The following CACNA2D3 variants were observed in gnomAD, a reference collection of about 807,000 sequenced individuals.
CACNA2D3 encodes the protein voltage-dependent calcium channel subunit alpha-2/delta-3.
Under a neutral mutation model 160.6 loss-of-function variants are expected in CACNA2D3, and 60 were observed. The ratio of observed to expected loss-of-function variants is 0.37; its 90% CI spans 0.30 to 0.46. The LOEUF (loss-of-function observed/expected upper bound fraction) is 0.46. Among genes scored for constraint, CACNA2D3 ranks in the 20% least tolerant of loss-of-function variants. The probability of loss-of-function intolerance (pLI) is 1.00; values close to 1 mark genes in which losing one functional copy is unlikely to be tolerated. For synonymous variants in CACNA2D3, 558 were observed against 492.9 expected (o/e 1.13, Z -1.75); for missense variants, 1,205 against 1,365.0 (o/e 0.88, Z 1.85).
At chr3:54,147,708 C>T (rs1700062088) in intron 2 of CACNA2D3, among the ~76,000 whole-genome samples, 1 of 152,104 alleles carries the variant, frequency 6.6e-6, no homozygotes, top group African/African-American at 2.4e-5. Flanking sequence ...ACATGGTAAG[C>T]CCTGTATTAC....
At chr3:54,771,811 G>T (rs1037013695) in intron 13 of CACNA2D3, among the ~76,000 whole-genome samples, 1 of 152,096 alleles carries the variant, frequency 6.6e-6, no homozygotes, top group Non-Finnish European at 1.5e-5. Flanking sequence ...ATTTGATGGG[G>T]TGTGTACTTG....
intron 27 of CACNA2D3, among the ~76,000 whole-genome samples, chr3:54,916,199 T>C (rs1700655521): frequency 6.6e-6 from 1 of 152,212 alleles, no homozygotes; most frequent in Non-Finnish European, 1.5e-5. Context: ...TTGCACTGTG[T>C]CTGGTACACG....
intron 9 of CACNA2D3, among the ~76,000 whole-genome samples, chr3:54,604,873 A>G (rs1331443636): frequency 6.6e-6 from 1 of 152,182 alleles, no homozygotes; most frequent in Non-Finnish European, 1.5e-5. Flanking sequence ...TGAAGGCCGT[A>G]CTGCTGGAGT....
rs75099669 is a variant in CACNA2D3 at position 54,274,629 on chromosome 3, C to T, written c.205-45813C>T. 9.8e-3 allele frequency among the ~76,000 whole-genome samples: 1,499 copies of T among 152,346 alleles called. 29 individuals are homozygous for T. Among genetic ancestry groups the T allele is most frequent in the African/African-American group, 0.034 (1,432 of 41,580 alleles). On this transcript the variant is annotated intron_variant, in intron 2 of 37. Coordinates refer to ENST00000474759, the MANE Select transcript of CACNA2D3 (RefSeq NM_018398.3). ...GCAGCCATTTACTATTACACAGTTT[C>T]TCTGGGTCAGGAGTCTGTATCCAGC...
chr3:54,800,408 C>G (rs541535425), intron 13 of CACNA2D3, among the ~76,000 whole-genome samples: 91 of 152,348 alleles, frequency 6.0e-4, no homozygotes, highest in African/African-American at 2.0e-3. Context: ...CCCCACATTA[C>G]CAAAACTCCA....
chr3:54,736,046 C>CATACATATATATATGTATATATAT (rs1187456049), intron 11 of CACNA2D3, among the ~76,000 whole-genome samples: 1 of 71,468 alleles, frequency 1.4e-5, no homozygotes, highest in Admixed American at 1.7e-4. Flanking sequence ...TATATATATA[C>CATACATATATATATGTATATATAT]ACATACATAT....
At chr3:54,318,593 T>A (rs1703919906) in intron 2 of CACNA2D3, among the ~76,000 whole-genome samples, 1 of 151,992 alleles carries the variant, frequency 6.6e-6, no homozygotes, top group African/African-American at 2.4e-5. Flanking sequence ...AAGAGATCCA[T>A]TTTGAGGACC....
chr3:54,361,369 G>A (rs2107541519), intron 3 of CACNA2D3, among the ~76,000 whole-genome samples: 1 of 152,208 alleles, frequency 6.6e-6, no homozygotes, highest in South Asian at 2.1e-4. Flanking sequence ...AGCATGATCT[G>A]TCTGGTTTTT....
intron 13 of CACNA2D3, among the ~76,000 whole-genome samples, chr3:54,793,758 G>A (rs761663280): frequency 6.6e-6 from 1 of 152,186 alleles, no homozygotes; most frequent in Non-Finnish European, 1.5e-5. Context: ...GAGTTGGGAT[G>A]TATTTCCTTC....
intron 27 of CACNA2D3, among the ~76,000 whole-genome samples, chr3:54,949,252 G>T (rs1701695360): frequency 6.6e-6 from 1 of 152,264 alleles, no homozygotes; most frequent in East Asian, 1.9e-4. Flanking sequence ...CAGGTGGAGG[G>T]TGAAGCCTAC....
intron 11 of CACNA2D3, among the ~76,000 whole-genome samples, chr3:54,724,189 A>G (rs1701232649): frequency 6.6e-6 from 1 of 152,256 alleles, no homozygotes; most frequent in Non-Finnish European, 1.5e-5. Flanking sequence ...ACATAATGGT[A>G]AAGGGATCAG....
chr3:54,718,140 C>G (rs1383131349), intron 11 of CACNA2D3, among the ~76,000 whole-genome samples: 1 of 152,090 alleles, frequency 6.6e-6, no homozygotes, highest in Non-Finnish European at 1.5e-5. Context: ...AGATACCACT[C>G]CTTTACTGGA....
chr3:54,188,384 A>G (rs779144649), intron 2 of CACNA2D3, among the ~76,000 whole-genome samples: 4 of 152,238 alleles, frequency 2.6e-5, no homozygotes, highest in Non-Finnish European at 4.4e-5. Flanking sequence ...GTCCAGCTTC[A>G]GGACCTGTAA....
intron 2 of CACNA2D3, among the ~76,000 whole-genome samples, chr3:54,181,926 T>C (rs994555144): frequency 1.3e-5 from 2 of 152,232 alleles, no homozygotes; most frequent in South Asian, 2.1e-4. Context: ...ACATGAGCTG[T>C]TTTTAAAATT....
chr3:55,045,464 C>CAAATCTGTA (rs1374033235), intron 35 of CACNA2D3, among the ~76,000 whole-genome samples: 1 of 152,178 alleles, frequency 6.6e-6, no homozygotes, highest in African/African-American at 2.4e-5. Context: ...GATTTTGTGT[C>CAAATCTGTA]AAATCTGTAC....
intron 4 of CACNA2D3, among the ~76,000 whole-genome samples, chr3:54,405,908 C>T (rs1474775185): frequency 6.6e-6 from 1 of 151,806 alleles, no homozygotes; most frequent in Non-Finnish European, 1.5e-5. Flanking sequence ...ATACATTTCT[C>T]CAAATATGAC....
rs569846992 is a variant in CACNA2D3 at position 54,297,192 on chromosome 3, T to C, written c.205-23250T>C. On this transcript the variant is annotated intron_variant, in intron 2 of 37. Transcript: ENST00000474759. ...GCCTGCCATTCCCTGTAGCCCCAGGTTGTGCTTTGGTAAAATGGAACTGAT... is the reference window on the plus strand; with the variant it reads ...GCCTGCCATTCCCTGTAGCCCCAGGCTGTGCTTTGGTAAAATGGAACTGAT... 1.5e-4 allele frequency among the ~76,000 whole-genome samples: 23 copies of C among 152,290 alleles called. No individual in the cohort carries two copies. The East Asian group carries it at 4.4e-3, about 29-fold the overall frequency.
At chr3:54,339,704 C>G (rs1342833969) in intron 3 of CACNA2D3, among the ~76,000 whole-genome samples, 2 of 152,150 alleles carry the variant, frequency 1.3e-5, no homozygotes, top group African/African-American at 4.8e-5. Flanking sequence ...ATATTAGAAA[C>G]TCGAGTAACT....
At chr3:54,137,237 G>A (rs920290802) in intron 2 of CACNA2D3, among the ~76,000 whole-genome samples, 1 of 152,178 alleles carries the variant, frequency 6.6e-6, no homozygotes, top group African/African-American at 2.4e-5. Context: ...GAGCAAGTCA[G>A]ACATTTTATC....
Sources: gnomAD v4.1 joint callset for allele counts (sites outside exome capture counted in the v4.1 genomes callset) on GRCh38, gnomAD v4.1.1 for gene constraint, MANE v1.5 for transcripts, NCBI Gene and HGNC (gene_info 2026-07-23, HGNC 2026-07-21) for gene names.